ZNF385D: variants seen among roughly 807,000 people sequenced by gnomAD.
The protein encoded by ZNF385D is zinc finger protein 659.
A neutral mutation model predicts 35.8 loss-of-function variants in ZNF385D; 15 were observed. The ratio of observed to expected loss-of-function variants is 0.42; its 90% CI spans 0.28 to 0.64. ZNF385D has a LOEUF of 0.64. ZNF385D is among the 30% of genes least tolerant of loss of function. The pLI, the probability that ZNF385D is intolerant of heterozygous loss-of-function variation, is 0.23. For missense variants in ZNF385D, 474 were observed against 494.6 expected (o/e 0.96, Z 0.39); for synonymous variants, 212 against 186.8 (o/e 1.13, Z -1.10).
chr3:22,354,367 AAATGTTG>A, intron 2 of ZNF385D, among the ~76,000 whole-genome samples: 1 of 152,142 alleles, frequency 6.6e-6, no homozygotes. Context: ...TAGTCTTGAT[AAATGTTG>A]GCTGCTGTTG....
intron 3 of ZNF385D, among the ~76,000 whole-genome samples, chr3:22,105,209 G>C (rs1385658003): frequency 1.3e-5 from 2 of 151,742 alleles, no homozygotes; most frequent in Non-Finnish European, 2.9e-5. Context: ...CCATAAAATA[G>C]TATCATTAAA....
At chr3:21,852,061 A>G (rs1465309362) in intron 3 of ZNF385D, among the ~76,000 whole-genome samples, 1 of 152,016 alleles carries the variant, frequency 6.6e-6, no homozygotes, top group Non-Finnish European at 1.5e-5. Flanking sequence ...TCCAATGTCT[A>G]GACTCTGTTT....
chr3:21,628,465 G>A (rs933908405), intron 2 of ZNF385D, among the ~76,000 whole-genome samples: 1 of 151,596 alleles, frequency 6.6e-6, no homozygotes, highest in Non-Finnish European at 1.5e-5. Flanking sequence ...GGGTACTCTT[G>A]GAGAAAAAGG....
At chr3:21,953,027 A>G (rs1219314147) in intron 3 of ZNF385D, among the ~76,000 whole-genome samples, 3 of 151,980 alleles carry the variant, frequency 2.0e-5, no homozygotes, top group African/African-American at 4.8e-5. Context: ...GATTGCAGGT[A>G]TCTAGTTTCT....
chr3:21,611,206 G>T (rs766523137), intron 2 of ZNF385D, among the ~76,000 whole-genome samples: 1 of 152,138 alleles, frequency 6.6e-6, no homozygotes, highest in East Asian at 1.9e-4. Context: ...AACAAGAAAG[G>T]CTACACAAAT....
intron 2 of ZNF385D, among the ~76,000 whole-genome samples, chr3:22,340,702 C>T (rs1049125695): frequency 1.3e-5 from 2 of 152,056 alleles, no homozygotes; most frequent in Admixed American, 1.3e-4. Flanking sequence ...GATACAAATA[C>T]AAGTACATGA....
intron 3 of ZNF385D, among the ~76,000 whole-genome samples, chr3:21,915,070 A>AG (rs869203023): frequency 9.0e-4 from 3 of 3,328 alleles, no homozygotes; most frequent in Non-Finnish European, 0.059. Context: ...GTAGAAATAG[A>AG]AAAAAAAAAG....
intron 2 of ZNF385D, among the ~76,000 whole-genome samples, chr3:21,636,397 TATATATATATATATATAG>T (rs2065445932): frequency 2.5e-5 from 1 of 40,406 alleles, no homozygotes; most frequent in Admixed American, 3.3e-4. Flanking sequence ...TATATATATA[TATATATATATATATATAG>T]AGTTTCTTAA....
chr3:22,169,083 T>C, intron 2 of ZNF385D: 1 of 853,464 alleles, frequency 1.2e-6, no homozygotes, highest in Non-Finnish European at 1.4e-6. Flanking sequence ...GATTTTTAGA[T>C]TACTGCATAT....
intron 2 of ZNF385D, among the ~76,000 whole-genome samples, chr3:22,234,925 C>A (rs1413517332): frequency 6.6e-6 from 1 of 151,878 alleles, no homozygotes; most frequent in African/African-American, 2.4e-5. Flanking sequence ...TGATATTTAG[C>A]CAGGCAAAAT....
intron 2 of ZNF385D, among the ~76,000 whole-genome samples, chr3:21,574,984 A>C (rs539576985): frequency 6.6e-6 from 1 of 152,084 alleles, no homozygotes; most frequent in Admixed American, 6.5e-5. Context: ...CTAAATACAC[A>C]ATGTTTCATT....
chr3:21,698,043 T>A (rs757771098), intron 1 of ZNF385D, among the ~76,000 whole-genome samples: 10 of 152,064 alleles, frequency 6.6e-5, no homozygotes, highest in Non-Finnish European at 1.2e-4. Context: ...TATGGAGACT[T>A]CTCAAAAAAG....
At chr3:21,528,346 A>G (rs1335342162) in intron 3 of ZNF385D, among the ~76,000 whole-genome samples, 2 of 152,130 alleles carry the variant, frequency 1.3e-5, no homozygotes, top group African/African-American at 2.4e-5. Flanking sequence ...TTCTTCTGTG[A>G]CACACAGCCA....
chr3:21,847,503 ATCT>A (rs1326136943), intron 3 of ZNF385D, among the ~76,000 whole-genome samples: 1 of 152,094 alleles, frequency 6.6e-6, no homozygotes, highest in Non-Finnish European at 1.5e-5. Context: ...GCTGATTAGG[ATCT>A]TCTTAACCTC....
chr3:22,189,005 C>T (rs939017434), intron 2 of ZNF385D, among the ~76,000 whole-genome samples: 7 of 151,846 alleles, frequency 4.6e-5, no homozygotes, highest in African/African-American at 1.7e-4. Context: ...TTAGAAAGCC[C>T]AACAGCCTCC....
At chr3:22,218,008 T>C (rs1698001566) in intron 2 of ZNF385D, among the ~76,000 whole-genome samples, 2 of 152,136 alleles carry the variant, frequency 1.3e-5, no homozygotes, top group Admixed American at 1.3e-4. Context: ...AAGGTTAAGG[T>C]AATGCTAGCT....
intron 3 of ZNF385D, among the ~76,000 whole-genome samples, chr3:21,770,420 T>G (rs1013126551): frequency 3.9e-5 from 6 of 152,008 alleles, no homozygotes; most frequent in Non-Finnish European, 1.5e-5. Context: ...CATCAAAAAG[T>G]GGGCAAAGTA....
intron 2 of ZNF385D, among the ~76,000 whole-genome samples, chr3:22,177,858 T>G (rs1694941431): frequency 1.3e-5 from 2 of 152,168 alleles, no homozygotes; most frequent in African/African-American, 4.8e-5. Flanking sequence ...CTTGTGATAG[T>G]TTGCTGAGAA....
At chr3:22,295,284 A>G (rs917743836) in intron 2 of ZNF385D, among the ~76,000 whole-genome samples, 1 of 152,178 alleles carries the variant, frequency 6.6e-6, no homozygotes, top group African/African-American at 2.4e-5. Context: ...TGCACAAAAG[A>G]TAACATTCTA....
Sources: gnomAD v4.1 joint callset for allele counts (sites outside exome capture counted in the v4.1 genomes callset) on GRCh38, gnomAD v4.1.1 for gene constraint, MANE v1.5 for transcripts, NCBI Gene and HGNC (gene_info 2026-07-23, HGNC 2026-07-21) for gene names.